Variants in MYOM2 observed in about 807,000 individuals in gnomAD.
MYOM2 encodes myomesin-2.
MYOM2 carries 254 observed loss-of-function variants against 187.6 expected under a neutral mutation model. The ratio of observed to expected loss-of-function variants is 1.35; its 90% CI spans 1.22 to 1.50. MYOM2 has a LOEUF of 1.50. Ranked by LOEUF, MYOM2 falls within the 40% of genes most tolerant of loss-of-function variation. The probability of loss-of-function intolerance (pLI) is 0.00; values close to 1 mark genes in which losing one functional copy is unlikely to be tolerated. For missense variants in MYOM2, 2,796 were observed against 1,924.0 expected (o/e 1.45, Z -8.48); for synonymous variants, 981 against 753.8 (o/e 1.30, Z -4.94).
In MYOM2 at chr8:2,045,250, G is replaced by A. The variant is rs1174592584; in HGVS notation, c.-13+82G>A. ...TAACTTCTGCACTCACATTTTCTAA[G>A]TACCTCTACTTCAGGGTCAAGAAGA... On this transcript the variant is annotated intron_variant, in intron 1 of 36. Coordinates refer to ENST00000262113, the MANE Select transcript of MYOM2 (RefSeq NM_003970.4). The A allele has an allele frequency of 2.6e-5, 4 of 152,234 alleles. No homozygotes were observed. In the East Asian group the frequency reaches 7.7e-4, roughly 29 times the overall value. The allele number at this position is 152,234 out of a possible 1,614,324, so 9.4% of individuals were successfully genotyped here.
At chr8:2,101,237 C>T (rs1435024326) in intron 20 of MYOM2, among the ~76,000 whole-genome samples, 183 bp downstream of exon 20, 2 of 152,184 alleles carry the variant, frequency 1.3e-5, no homozygotes, top group African/African-American at 2.4e-5. Context: ...CCTGTAATCC[C>T]AGCTACTCGG....
intron 12 of MYOM2, 76 bp from the exon 13 acceptor site, chr8:2,079,484 G>C: frequency 7.1e-7 from 1 of 1,411,372 alleles, no homozygotes; most frequent in Non-Finnish European, 1.0e-6. Context: ...ATGCAGAGCT[G>C]GCACAGAATG....
chr8:2,054,457 G>C (rs1043668782), intron 3 of MYOM2, among the ~76,000 whole-genome samples: 2 of 152,170 alleles, frequency 1.3e-5, no homozygotes, highest in African/African-American at 2.4e-5. Context: ...TTTACAATCA[G>C]TGCATGACAA....
chr8:2,123,557 G>A lies in MYOM2; in HGVS notation c.3570G>A (p.Leu1190=). 1 of 1,613,028 alleles carries A rather than the reference G, an allele frequency of 6.2e-7. No individual in the cohort carries two copies. Among genetic ancestry groups the A allele is most frequent in the South Asian group, 1.1e-5 (1 of 91,052 alleles). Residue 1190 remains leucine, a splice_region_variant and synonymous_variant, in exon 30 of 37, where the codon TTG becomes TTA. Coordinates refer to ENST00000262113, the MANE Select transcript of MYOM2 (RefSeq NM_003970.4). ...RGICELLIPK[L]SKKDHGEYKA... ...TATGGAATGTGTTTTCTTTGTAGTT[G>A]TCAAAGAAGGACCACGGTGAATACA... is the stretch of plus-strand genomic sequence containing the variant.
chr8:2,084,728 A>G (rs532204583), intron 13 of MYOM2, among the ~76,000 whole-genome samples: 1 of 152,376 alleles, frequency 6.6e-6, no homozygotes, highest in African/African-American at 2.4e-5. Context: ...CATAGAATAC[A>G]GTGCCTGTGA....
At chr8:2,131,408 C>T (rs576555383) in intron 32 of MYOM2, among the ~76,000 whole-genome samples, 2 of 152,004 alleles carry the variant, frequency 1.3e-5, no homozygotes, top group South Asian at 4.2e-4. Context: ...CTCATCAGTG[C>T]TCTCCCGAGA....
At chr8:2,096,759 G>A (rs915572899) in intron 18 of MYOM2, among the ~76,000 whole-genome samples, 22 of 152,152 alleles carry the variant, frequency 1.4e-4, no homozygotes, top group Non-Finnish European at 2.5e-4. Flanking sequence ...GGGCAGGGAC[G>A]GAGTCTCACA....
At chr8:2,083,006 GAT>G (rs1819681394) in intron 13 of MYOM2, among the ~76,000 whole-genome samples, 1 of 152,146 alleles carries the variant, frequency 6.6e-6, no homozygotes, top group African/African-American at 2.4e-5. Context: ...TTAGGAAAGT[GAT>G]ATGTTTTTAT....
chr8:2,079,658 T>TG lies in MYOM2; in HGVS notation c.1516+47dup. The TG allele has an allele frequency of 1.9e-6, 3 of 1,593,988 alleles. No individual in the cohort carries two copies. In the South Asian group the frequency reaches 3.3e-5, roughly 18 times the overall value. On this transcript the variant is annotated intron_variant, in intron 13 of 36. Transcript: ENST00000262113. Reference sequence around the variant, plus strand: ...CCCAGCTGCTCAGCCCCTGGGGATTTGGAGTTGTAATTAGAGATGGGAGAG... The same window carrying TG: ...CCCAGCTGCTCAGCCCCTGGGGATTTGGGAGTTGTAATTAGAGATGGGAGAG...
intron 10 of MYOM2, among the ~76,000 whole-genome samples, chr8:2,075,737 T>C (rs1302003769): frequency 6.6e-6 from 1 of 152,222 alleles, no homozygotes; most frequent in Non-Finnish European, 1.5e-5. Context: ...CCCAATTTCC[T>C]AAGGATTTTG....
intron 9 of MYOM2, 95 bp downstream of exon 9, chr8:2,072,604 A>G (rs1051873464): frequency 7.1e-7 from 1 of 1,415,294 alleles, no homozygotes; most frequent in Non-Finnish European, 9.4e-7. Context: ...TTTTGTCTCT[A>G]CCACTGGGTC....
chr8:2,059,111 A>G (rs367897278), intron 5 of MYOM2, 42 bp from the exon 6 acceptor site: 5 of 1,562,832 alleles, frequency 3.2e-6, no homozygotes, highest in Non-Finnish European at 4.4e-6. Context: ...CACACAAAAT[A>G]CAACTCTGCC....
Position 2,133,966 on chromosome 8 carries a change from T to A in MYOM2, c.3800+4734T>A, listed in dbSNP as rs201431290. Among the ~76,000 whole-genome samples, 16 of 122,242 alleles carry A rather than the reference T, an allele frequency of 1.3e-4. 2 individuals are homozygous for A. In the East Asian group the frequency reaches 1.5e-3, roughly 11 times the overall value. 80.2% of individuals were successfully genotyped at this position (122,242 alleles called of 152,430 possible). A position where few individuals can be genotyped will look rare whatever the true frequency, so the allele number is the denominator to read the frequency against. The stretch of plus-strand genomic sequence containing the variant: ...CCACCCTCTTCCCCTGAGGTTAACG[T>A]CTTCTGTAGCCACCTCCACCCTCTT... On this transcript the variant is annotated intron_variant, in intron 32 of 36. Coordinates refer to ENST00000262113, the MANE Select transcript of MYOM2 (RefSeq NM_003970.4).
rs1230908889 is a variant in MYOM2, at chr8:2,141,165, T to A, written c.3989T>A (p.Phe1330Tyr). 6.2e-7 allele frequency: 1 copy of A among 1,612,294 alleles called. No individual in the cohort carries two copies. Among genetic ancestry groups the A allele is most frequent in the Non-Finnish European group, 8.5e-7 (1 of 1,178,702 alleles). The change falls in exon 34 of 37, where the codon TTC (phenylalanine) becomes TAC (tyrosine). Residue 1330 changes from phenylalanine to tyrosine, a missense_variant. By Grantham distance (22) the Phe-to-Tyr change is conservative (BLOSUM62 3). Transcript: ENST00000262113. ...GCTTTTGATGAAGCATTTGCAGAAT[T>A]CCAGCAATTCAAGTAAGATTTGTGT... ...GQAFDEAFAE[F>Y]QQFKAAAFAE... is the part of the protein sequence containing the mutation.
intron 13 of MYOM2, among the ~76,000 whole-genome samples, chr8:2,084,444 G>A (rs73549949): frequency 6.6e-6 from 1 of 152,116 alleles, no homozygotes; most frequent in Non-Finnish European, 1.5e-5. Context: ...GTCCCGGGGA[G>A]GTTTCAGACC....
chr8:2,094,022 G>A lies in MYOM2; in HGVS notation c.2056G>A (p.Ala686Thr), dbSNP rs767712943. The change falls in exon 17 of 37, where the codon GCG (alanine) becomes ACG (threonine). Residue 686 changes from alanine (A) to threonine (T), a missense_variant. Ala to Thr is a moderately conservative substitution (Grantham distance 58). Coordinates refer to ENST00000262113, the MANE Select transcript of MYOM2 (RefSeq NM_003970.4). ...AGAGCAGTACATCTTCCGAGTCAAGGCGGTCAATGCTGTGGGGATGAGTGA... is the reference window on the plus strand; with the variant it reads ...AGAGCAGTACATCTTCCGAGTCAAGACGGTCAATGCTGTGGGGATGAGTGA... ...TGEQYIFRVK[A>T]VNAVGMSENS... is the part of the protein sequence containing the mutation. The A allele has an allele frequency of 3.1e-6, 5 of 1,614,128 alleles. No individual in the cohort carries two copies. The highest frequency in any genetic ancestry group is 4.2e-6 in the Non-Finnish European group (5 of 1,180,036).
intron 14 of MYOM2, among the ~76,000 whole-genome samples, chr8:2,088,270 A>G (rs559425656): frequency 3.9e-5 from 6 of 152,248 alleles, no homozygotes; most frequent in East Asian, 1.9e-4. Context: ...GCAAACACAC[A>G]TTTTTAAGAA....
chr8:2,133,245 C>G (rs747146860), intron 32 of MYOM2, among the ~76,000 whole-genome samples: 3 of 152,254 alleles, frequency 2.0e-5, no homozygotes, highest in Non-Finnish European at 4.4e-5. Context: ...TTCCTCAACA[C>G]TGTCCTCTCC....
Position 2,086,478 on chromosome 8 carries a change from A to ATGATCTCTGTGTGGCCCCCCACTGTCG in MYOM2, c.1644+1098_1644+1124dup, listed in dbSNP as rs1413741403. Among the ~76,000 whole-genome samples, 870 of 102,738 alleles carry ATGATCTCTGTGTGGCCCCCCACTGTCG rather than the reference A, an allele frequency of 8.5e-3. 45 individuals are homozygous for ATGATCTCTGTGTGGCCCCCCACTGTCG. The highest frequency in any genetic ancestry group is 0.012 in the Non-Finnish European group (631 of 51,900). 67.4% of individuals were successfully genotyped at this position (102,738 alleles called of 152,430 possible). On this transcript the variant is annotated intron_variant, in intron 14 of 36. Coordinates refer to ENST00000262113, the MANE Select transcript of MYOM2 (RefSeq NM_003970.4). ...GATCTCCACGTGGCCACACACTGTC[A>ATGATCTCTGTGTGGCCCCCCACTGTCG]TGATCTCTGTGTGGCCCCCCACTGT...
Sources: allele counts gnomAD v4.1 joint callset (sites outside exome capture counted in the v4.1 genomes callset), GRCh38; gene constraint gnomAD v4.1.1; transcripts MANE v1.5; gene names NCBI Gene and HGNC (gene_info 2026-07-23, HGNC 2026-07-21).